The following SLCO5A1 variants were observed in gnomAD, a reference collection of about 807,000 sequenced individuals.
The protein encoded by SLCO5A1 is organic anion transporter polypeptide-related protein 4.
In SLCO5A1, 39 loss-of-function variants were observed where a neutral mutation model predicts 65.1. The ratio of observed to expected loss-of-function variants is 0.60; its 90% CI spans 0.46 to 0.78. The LOEUF (loss-of-function observed/expected upper bound fraction) is 0.78, where lower values mean the gene tolerates loss of function less well. Ranked by LOEUF, SLCO5A1 falls within the 30% of genes least tolerant of loss-of-function variation. The probability of loss-of-function intolerance (pLI) is 0.00; values close to 1 mark genes in which losing one functional copy is unlikely to be tolerated. For missense variants in SLCO5A1, 1,029 were observed against 1,069.4 expected (o/e 0.96, Z 0.53); for synonymous variants, 438 against 415.7 (o/e 1.05, Z -0.65).
At chr8:69,770,843 T>A (rs187905620) in intron 2 of SLCO5A1, among the ~76,000 whole-genome samples, 17 of 152,340 alleles carry the variant, frequency 1.1e-4, no homozygotes, top group Admixed American at 9.8e-4. Flanking sequence ...ACTCTTCCCC[T>A]TATTCTATGA....
chr8:69,795,565 C>T (rs1273693310), intron 2 of SLCO5A1, among the ~76,000 whole-genome samples: 1 of 152,218 alleles, frequency 6.6e-6, no homozygotes, highest in Non-Finnish European at 1.5e-5. Context: ...TGCCCTGTGA[C>T]TTTAAAGGAT....
At chr8:69,691,627 G>T (rs1033453143) in intron 6 of SLCO5A1, among the ~76,000 whole-genome samples, 2 of 152,082 alleles carry the variant, frequency 1.3e-5, no homozygotes, top group African/African-American at 4.8e-5. Flanking sequence ...TGTCCTCAAG[G>T]TTCATCTATG....
intron 5 of SLCO5A1, among the ~76,000 whole-genome samples, chr8:69,734,738 T>C (rs1001048465): frequency 3.9e-5 from 6 of 152,158 alleles, no homozygotes; most frequent in Non-Finnish European, 8.8e-5. Flanking sequence ...ATCTAAATAA[T>C]TTTTTTAAGT....
rs200748530 is a variant in SLCO5A1 at position 69,832,521 on chromosome 8, A to G, written c.153T>C (p.Ser51=). Residue 51 remains serine, a synonymous_variant, in exon 2 of 10, where the codon AGT becomes AGC. Transcript: ENST00000260126. This position sits in a 1 kb window ranked among gnomAD's most constrained non-coding sequence, Gnocchi z 4.5. ...CCGGGTTGGCGTCTCCACTAGTGGG[A>G]CTGAGGCTTGGCCGGCAGGAGGCGC... ...LSSASCRPSL[S]PTSGDANPAF... is the part of the protein sequence containing the mutation. 3.8e-5 allele frequency: 61 copies of G among 1,608,516 alleles called. No individual in the cohort carries two copies. Among genetic ancestry groups the G allele is most frequent in the Non-Finnish European group, 5.1e-6 (6 of 1,177,756 alleles).
At chr8:69,810,708 A>G (rs1820175121) in intron 2 of SLCO5A1, among the ~76,000 whole-genome samples, 1 of 152,250 alleles carries the variant, frequency 6.6e-6, no homozygotes, top group Non-Finnish European at 1.5e-5. Flanking sequence ...CACTGCAGTT[A>G]GAGAAGGAAG....
chr8:69,703,980 G>T (rs1458262063), intron 6 of SLCO5A1, among the ~76,000 whole-genome samples: 1 of 152,180 alleles, frequency 6.6e-6, no homozygotes, highest in Non-Finnish European at 1.5e-5. Flanking sequence ...TCGGTGTTCA[G>T]GGTCGACAAG....
chr8:69,832,569 A>G lies in SLCO5A1; in HGVS notation c.105T>C (p.Ser35=). 6.2e-7 allele frequency: 1 copy of G among 1,612,718 alleles called. No homozygotes were observed. Among genetic ancestry groups the G allele is most frequent in the Non-Finnish European group, 8.5e-7 (1 of 1,179,440 alleles). ...QERCEPETLR[S]KSLPVLSSAS... ...CGCTGCTGAGGACCGGTAAACTCTT[A>G]GACCTGAGGGTCTCCGGCTCGCACC... The change falls in exon 2 of 10, where the codon TCT becomes TCC. Residue 35 remains serine, a synonymous_variant. Coordinates refer to ENST00000260126, the MANE Select transcript of SLCO5A1 (RefSeq NM_030958.3). This position sits in a 1 kb window ranked among gnomAD's most constrained non-coding sequence, Gnocchi z 4.5.
intron 2 of SLCO5A1, among the ~76,000 whole-genome samples, chr8:69,820,988 T>G (rs948611193): frequency 6.6e-6 from 1 of 152,160 alleles, no homozygotes; most frequent in Non-Finnish European, 1.5e-5. Flanking sequence ...GAAACTAAAA[T>G]ACAATTTTTC....
chr8:69,822,428 T>C (rs1820687803), intron 2 of SLCO5A1, among the ~76,000 whole-genome samples: 1 of 152,240 alleles, frequency 6.6e-6, no homozygotes, highest in African/African-American at 2.4e-5. Flanking sequence ...GAAAATTTAA[T>C]TAAACCGGTT....
At chr8:69,828,644 G>T (rs1024606011) in intron 2 of SLCO5A1, among the ~76,000 whole-genome samples, 1 of 151,952 alleles carries the variant, frequency 6.6e-6, no homozygotes, top group East Asian at 1.9e-4. Context: ...GAAAGAAAAT[G>T]AATACCATTT....
intron 6 of SLCO5A1, among the ~76,000 whole-genome samples, chr8:69,702,019 A>C (rs1482349564): frequency 6.6e-6 from 1 of 152,248 alleles, no homozygotes; most frequent in Non-Finnish European, 1.5e-5. Flanking sequence ...AGTATTTCTG[A>C]AAAATACAGA....
At chr8:69,680,947 G>T (rs1045452996) in intron 7 of SLCO5A1, among the ~76,000 whole-genome samples, 3 of 152,118 alleles carry the variant, frequency 2.0e-5, no homozygotes, top group Admixed American at 2.0e-4. Context: ...ATAAGAAAAA[G>T]TATGAAGATG....
chr8:69,812,784 C>T (rs1447483773), intron 2 of SLCO5A1, among the ~76,000 whole-genome samples: 4 of 152,136 alleles, frequency 2.6e-5, no homozygotes, highest in African/African-American at 9.7e-5. Flanking sequence ...TTAACAATAA[C>T]AAAATAACTG....
At chr8:69,701,825 C>T (rs796681982) in intron 6 of SLCO5A1, among the ~76,000 whole-genome samples, 16 of 152,292 alleles carry the variant, frequency 1.1e-4, no homozygotes, top group African/African-American at 3.9e-4. Flanking sequence ...TCATATTTGG[C>T]TCAGAATAAA....
At chr8:69,711,670 C>A (rs1247581015) in intron 5 of SLCO5A1, among the ~76,000 whole-genome samples, 1 of 152,208 alleles carries the variant, frequency 6.6e-6, no homozygotes, top group Non-Finnish European at 1.5e-5. Context: ...AATCTCAGCT[C>A]AGCCACTTAC....
At chr8:69,688,342 T>A (rs1218373818) in intron 6 of SLCO5A1, among the ~76,000 whole-genome samples, 3 of 151,412 alleles carry the variant, frequency 2.0e-5, no homozygotes, top group Admixed American at 2.0e-4. Flanking sequence ...ATTTTTTTTT[T>A]ATTATTATTA....
chr8:69,670,616 T>C lies in SLCO5A1; in HGVS notation c.*2253A>G, dbSNP rs753668711. On this transcript the variant is annotated 3_prime_UTR_variant, in exon 10 of 10. Coordinates refer to ENST00000260126, the MANE Select transcript of SLCO5A1 (RefSeq NM_030958.3). ...CCAAAGGATTTTATGGAGTGGCAGA[T>C]GGTAATCAGGTAATATGACACCTGA... The C allele has an allele frequency of 6.6e-6, 1 of 152,192 alleles. No homozygotes were observed. The allele number at this position is 152,192 out of a possible 1,614,324, so 9.4% of individuals were successfully genotyped here.
chr8:69,796,695 G>A (rs982801256), intron 2 of SLCO5A1, among the ~76,000 whole-genome samples: 2 of 151,388 alleles, frequency 1.3e-5, no homozygotes, highest in African/African-American at 4.9e-5. Flanking sequence ...ACGTGTGTAT[G>A]TATATATATT....
chr8:69,748,209 G>C lies in SLCO5A1; in HGVS notation c.1258+7215C>G, dbSNP rs1167602598. Among the ~76,000 whole-genome samples the C allele has an allele frequency of 2.0e-5, 3 of 152,298 alleles. No individual in the cohort carries two copies. In the East Asian group the frequency reaches 5.8e-4, roughly 29 times the overall value. On this transcript the variant is annotated intron_variant, in intron 4 of 9. Transcript: ENST00000260126. ...AGCCTGAGACACTTGCCTACGACAA[G>C]GGGGTACACATGGCTGCCAGGGCCT...
Sources: allele counts gnomAD v4.1 joint callset (sites outside exome capture counted in the v4.1 genomes callset), GRCh38; gene constraint gnomAD v4.1.1; non-coding constraint Gnocchi (gnomAD v3.1); transcripts MANE v1.5; gene names NCBI Gene and HGNC (gene_info 2026-07-23, HGNC 2026-07-21).